CCDC178: variants seen among roughly 807,000 people sequenced by gnomAD.
The protein encoded by CCDC178 is coiled-coil domain containing 178, also known as coiled-coil domain-containing protein 178.
In CCDC178, 126 loss-of-function variants were observed where a neutral mutation model predicts 117.4. That is an observed-to-expected ratio of 1.07 (90% confidence interval 0.93 to 1.24). The LOEUF (loss-of-function observed/expected upper bound fraction) is 1.24. Ranked by LOEUF, CCDC178 falls within the 50% of genes most tolerant of loss-of-function variation. The pLI is 0.00. For synonymous variants in CCDC178, 283 were observed against 313.4 expected (o/e 0.90, Z 1.02); for missense variants, 1,030 against 986.9 (o/e 1.04, Z -0.59).
intron 12 of CCDC178, among the ~76,000 whole-genome samples, chr18:33,287,594 C>A (rs1045858662): frequency 3.3e-4 from 50 of 152,100 alleles, no homozygotes; most frequent in African/African-American, 1.2e-3. Context: ...GTCTGGCCAA[C>A]AGGGCGAAAC....
chr18:33,050,594 A>G (rs1201100705), intron 21 of CCDC178, among the ~76,000 whole-genome samples: 1 of 152,192 alleles, frequency 6.6e-6, no homozygotes, highest in East Asian at 1.9e-4. Flanking sequence ...TGCAGAGTTA[A>G]CCTGGAAACC....
chr18:33,085,825 A>T (rs150256996), intron 21 of CCDC178, among the ~76,000 whole-genome samples: 133 of 152,252 alleles, frequency 8.7e-4, no homozygotes, highest in South Asian at 3.5e-3. Context: ...TTTTGAAGAA[A>T]AAAGAAATGA....
intron 21 of CCDC178, among the ~76,000 whole-genome samples, chr18:33,012,849 C>A (rs2055899351): frequency 6.6e-6 from 1 of 152,140 alleles, no homozygotes; most frequent in African/African-American, 2.4e-5. Context: ...TTGAGTCCAG[C>A]AGCAGCCCAG....
At chr18:33,132,160 G>A (rs1002824174) in intron 20 of CCDC178, among the ~76,000 whole-genome samples, 2 of 151,660 alleles carry the variant, frequency 1.3e-5, no homozygotes, top group African/African-American at 2.4e-5. Context: ...GATGAGTAAA[G>A]TGAGTATATT....
chr18:33,382,406 G>C (rs1462023124), intron 5 of CCDC178, among the ~76,000 whole-genome samples: 1 of 152,152 alleles, frequency 6.6e-6, no homozygotes, highest in Non-Finnish European at 1.5e-5. Flanking sequence ...TGGCTGAATA[G>C]AAACAGCCAT....
chr18:33,386,927 T>C (rs2063501035), intron 5 of CCDC178, among the ~76,000 whole-genome samples: 1 of 152,168 alleles, frequency 6.6e-6, no homozygotes, highest in African/African-American at 2.4e-5. Context: ...ATTCAAATTG[T>C]CTTTGTTTGA....
At chr18:33,228,432 G>A (rs971802380) in intron 15 of CCDC178, among the ~76,000 whole-genome samples, 1 of 152,320 alleles carries the variant, frequency 6.6e-6, no homozygotes, top group African/African-American at 2.4e-5. Context: ...TTGTGGATGT[G>A]TGGCTTGGAA....
At chr18:33,076,558 A>G (rs961099651) in intron 21 of CCDC178, among the ~76,000 whole-genome samples, 11 of 152,062 alleles carry the variant, frequency 7.2e-5, no homozygotes, top group Non-Finnish European at 1.5e-5. Context: ...TCTTTGTGTG[A>G]TATATTTGTC....
At chr18:33,016,444 A>G (rs1778112076) in intron 21 of CCDC178, among the ~76,000 whole-genome samples, 2 of 152,076 alleles carry the variant, frequency 1.3e-5, no homozygotes, top group South Asian at 4.1e-4. Flanking sequence ...ATGAAAAAAA[A>G]GCATCAGCAA....
At chr18:33,271,974 T>C (rs978929430) in intron 12 of CCDC178, among the ~76,000 whole-genome samples, 1 of 151,488 alleles carries the variant, frequency 6.6e-6, no homozygotes, top group African/African-American at 2.4e-5. Flanking sequence ...CTTATGTCAG[T>C]AACCTAACTT....
At position 33,432,402 on chromosome 18, in the gene CCDC178, GTAAGTT is replaced by G. The variant is rs141855719; in HGVS notation, c.-23+7554_-23+7559del. ...TTAGCAGAGTTTTTCTAAGCGAACT[GTAAGTT>G]TTGCTTAAAGATGGTAGTAATAGAT... On this transcript the variant is annotated intron_variant, in intron 2 of 22. Transcript: ENST00000383096. 8.8e-3 allele frequency among the ~76,000 whole-genome samples: 1,332 copies of G among 151,890 alleles called. 17 individuals carry two copies. Among genetic ancestry groups the G allele is most frequent in the African/African-American group, 0.03 (1,260 of 41,396 alleles).
chr18:33,007,577 C>A (rs73415445), intron 21 of CCDC178, among the ~76,000 whole-genome samples: 14,536 of 152,018 alleles, frequency 0.096, 1,029 homozygotes, highest in African/African-American at 0.19. Context: ...AAACAGAATC[C>A]TGTCATTCCC....
At chr18:33,072,175 C>G (rs2057120636) in intron 21 of CCDC178, among the ~76,000 whole-genome samples, 1 of 151,976 alleles carries the variant, frequency 6.6e-6, no homozygotes, top group South Asian at 2.1e-4. Flanking sequence ...AAAATTTGGT[C>G]TTTTTGTGTT....
In CCDC178 at chr18:33,285,973, G is replaced by GTT. The variant is rs1384208680; in HGVS notation, c.1176+7185_1176+7186insAA. On this transcript the variant is annotated intron_variant, in intron 12 of 22. Transcript: ENST00000383096. ...CTATTATTTAAAAAATTAGCAATGT[G>GTT]TATTTTTTTTTTTTTTTTGAGATGG... Among the ~76,000 whole-genome samples, 53 of 62,714 alleles carry GTT rather than the reference G, an allele frequency of 8.5e-4. 1 individual carries two copies. Among genetic ancestry groups the GTT allele is most frequent in the Non-Finnish European group, 1.5e-3 (47 of 30,740 alleles). The allele number at this position is 62,714 out of a possible 152,430, so 41.1% of individuals were successfully genotyped here.
intron 14 of CCDC178, among the ~76,000 whole-genome samples, chr18:33,254,733 G>C (rs1468311192): frequency 6.6e-6 from 1 of 151,972 alleles, no homozygotes; most frequent in African/African-American, 2.4e-5. Flanking sequence ...GGAAGAGGAG[G>C]AGCAGATGGA....
intron 20 of CCDC178, among the ~76,000 whole-genome samples, chr18:33,180,269 C>T (rs1363071645): frequency 6.6e-6 from 1 of 151,720 alleles, no homozygotes; most frequent in Admixed American, 6.6e-5. Context: ...TTATGTATAA[C>T]TAAGTCCTTC....
chr18:33,424,320 T>C (rs567096563), intron 2 of CCDC178, among the ~76,000 whole-genome samples: 1 of 152,294 alleles, frequency 6.6e-6, no homozygotes, highest in South Asian at 2.1e-4. Flanking sequence ...AACGACTTGC[T>C]TTTTTCCAGC....
At chr18:33,163,874 A>G (rs2058495530) in intron 20 of CCDC178, among the ~76,000 whole-genome samples, 1 of 152,184 alleles carries the variant, frequency 6.6e-6, no homozygotes, top group Admixed American at 6.5e-5. Context: ...ATTGCATAAA[A>G]TCAATTGCAT....
At chr18:33,274,822 T>C (rs1460214469) in intron 12 of CCDC178, among the ~76,000 whole-genome samples, 3 of 152,026 alleles carry the variant, frequency 2.0e-5, no homozygotes, top group Non-Finnish European at 2.9e-5. Flanking sequence ...TAAATGCCTG[T>C]GGAAGGCTTA....
Sources: gnomAD v4.1 joint callset for allele counts (sites outside exome capture counted in the v4.1 genomes callset) on GRCh38, gnomAD v4.1.1 for gene constraint, MANE v1.5 for transcripts, NCBI Gene and HGNC (gene_info 2026-07-23, HGNC 2026-07-21) for gene names.